Variants in SPIDR observed in about 807,000 individuals in gnomAD.
SPIDR encodes DNA repair-scaffolding protein.
SPIDR carries 93 observed loss-of-function variants against 104.6 expected under a neutral mutation model. The ratio of observed to expected loss-of-function variants is 0.89; its 90% CI spans 0.75 to 1.06. The LOEUF (loss-of-function observed/expected upper bound fraction) is 1.06. SPIDR is among the 50% of genes least tolerant of loss of function. The pLI, the probability that SPIDR is intolerant of heterozygous loss-of-function variation, is 0.00. For synonymous variants in SPIDR, 431 were observed against 416.9 expected, an observed-to-expected ratio of 1.03 and a Z score of -0.41; for missense variants, 1,154 against 1,111.2, an observed-to-expected ratio of 1.04 and a Z score of -0.55.
intron 5 of SPIDR, among the ~76,000 whole-genome samples, chr8:47,394,841 A>G (rs910081482): frequency 2.6e-5 from 4 of 152,136 alleles, no homozygotes; most frequent in Non-Finnish European, 2.9e-5. Context: ...TGTGAGGCAG[A>G]TCTGTGCCCC....
At chr8:47,363,368 G>T (rs2056511797) in intron 5 of SPIDR, among the ~76,000 whole-genome samples, 1 of 151,166 alleles carries the variant, frequency 6.6e-6, no homozygotes, top group Non-Finnish European at 1.5e-5. Context: ...GCTACTCCCG[G>T]CTAATTTTTT....
chr8:47,363,685 T>TA (rs1314222963), intron 5 of SPIDR, among the ~76,000 whole-genome samples: 23 of 151,714 alleles, frequency 1.5e-4, no homozygotes, highest in East Asian at 1.2e-3. Context: ...AATGATATTT[T>TA]AAAAAAAATA....
At chr8:47,457,252 A>G (rs1429671922) in intron 8 of SPIDR, among the ~76,000 whole-genome samples, 1 of 152,174 alleles carries the variant, frequency 6.6e-6, no homozygotes, top group Non-Finnish European at 1.5e-5. Flanking sequence ...TTTTCACCGC[A>G]TCCACATCAA....
At chr8:47,290,927 A>G in intron 3 of SPIDR, 106 bp from the exon 4 acceptor site, 2 of 681,304 alleles carry the variant, frequency 2.9e-6, no homozygotes, top group Middle Eastern at 2.6e-4. Context: ...CCTATCACAG[A>G]GTTTTGTGTA....
At chr8:47,533,856 T>G (rs1407244777) in intron 8 of SPIDR, among the ~76,000 whole-genome samples, 1 of 152,202 alleles carries the variant, frequency 6.6e-6, no homozygotes, top group East Asian at 1.9e-4. Context: ...GAAAGCAGTA[T>G]GGTGATTCCT....
chr8:47,347,093 A>C (rs868933165), intron 5 of SPIDR, among the ~76,000 whole-genome samples: 16 of 152,138 alleles, frequency 1.1e-4, no homozygotes, highest in Non-Finnish European at 2.2e-4. Context: ...TAGAGCTATA[A>C]ATTTCCCTCT....
At chr8:47,592,241 A>G in intron 8 of SPIDR, 1 of 1,305,088 alleles carries the variant, frequency 7.7e-7, no homozygotes, top group Non-Finnish European at 1.1e-6. Context: ...ATCATTTGCT[A>G]ATGGATCGTC....
chr8:47,589,422 T>C (rs1393807822), intron 8 of SPIDR, among the ~76,000 whole-genome samples: 1 of 151,880 alleles, frequency 6.6e-6, no homozygotes, highest in East Asian at 1.9e-4. Context: ...CTCGGGAGGC[T>C]GAGGCAGGAG....
intron 11 of SPIDR, among the ~76,000 whole-genome samples, chr8:47,675,598 G>A (rs926413856): frequency 1.2e-4 from 19 of 152,072 alleles, no homozygotes; most frequent in Non-Finnish European, 2.4e-4. Flanking sequence ...ATCACTTGAG[G>A]CCAGGAGTTT....
At chr8:47,423,672 A>G (rs1157940631) in intron 7 of SPIDR, among the ~76,000 whole-genome samples, 1 of 152,216 alleles carries the variant, frequency 6.6e-6, no homozygotes. Flanking sequence ...GGCCTTGCAG[A>G]GAATGCAGTT....
chr8:47,496,216 C>G (rs367985857), intron 8 of SPIDR, among the ~76,000 whole-genome samples: 1 of 152,056 alleles, frequency 6.6e-6, no homozygotes, highest in African/African-American at 2.4e-5. Flanking sequence ...TGACTGGAAC[C>G]TCTAGTACAA....
At chr8:47,397,076 C>T (rs2061328924) in intron 6 of SPIDR, among the ~76,000 whole-genome samples, 1 of 152,060 alleles carries the variant, frequency 6.6e-6, no homozygotes, top group Non-Finnish European at 1.5e-5. Flanking sequence ...AGGGGCTGGG[C>T]TGTGGCCATG....
chr8:47,487,955 C>T (rs1217536502), intron 8 of SPIDR, among the ~76,000 whole-genome samples: 1 of 152,084 alleles, frequency 6.6e-6, no homozygotes, highest in African/African-American at 2.4e-5. Flanking sequence ...ACTAGATAAG[C>T]AAGAGCGAAC....
At chr8:47,630,810 A>C (rs1203889384) in intron 10 of SPIDR, among the ~76,000 whole-genome samples, 10 of 152,196 alleles carry the variant, frequency 6.6e-5, no homozygotes. Flanking sequence ...ATGCACCTGT[A>C]TGGCTGATCC....
intron 10 of SPIDR, among the ~76,000 whole-genome samples, chr8:47,626,462 C>T (rs1261679450): frequency 5.3e-5 from 8 of 152,062 alleles, no homozygotes; most frequent in South Asian, 2.1e-4. Context: ...ACCTACAGAA[C>T]GGGAGGAAAT....
chr8:47,672,939 T>C (rs1190711996), intron 10 of SPIDR, among the ~76,000 whole-genome samples: 3 of 152,250 alleles, frequency 2.0e-5, no homozygotes, highest in African/African-American at 7.2e-5. Context: ...CTACAGTTCT[T>C]GACCCTTTTG....
chr8:47,501,317 A>C (rs960525959), intron 8 of SPIDR, among the ~76,000 whole-genome samples: 2 of 152,084 alleles, frequency 1.3e-5, no homozygotes, highest in South Asian at 2.1e-4. Flanking sequence ...CTTTTATTTC[A>C]TTGAGCAGTG....
At position 47,690,136 on chromosome 8, in the gene SPIDR, G is replaced by A. The variant is rs567551231; in HGVS notation, c.1686-10267G>A. Among the ~76,000 whole-genome samples the A allele has an allele frequency of 1.6e-4, 24 of 152,186 alleles. No individual in the cohort carries two copies. The South Asian group carries it at 3.5e-3, about 22-fold the overall frequency. The stretch of plus-strand genomic sequence containing the variant: ...GTAGTGTGGGTTTTTCCACCTCCAC[G>A]CTGGTGAGCGAGTGGATCATGTGAG... On this transcript the variant is annotated intron_variant, in intron 11 of 19. Coordinates refer to ENST00000297423, the MANE Select transcript of SPIDR (RefSeq NM_001080394.4).
chr8:47,307,365 T>C (rs1554581998), intron 5 of SPIDR, among the ~76,000 whole-genome samples: 1 of 150,490 alleles, frequency 6.6e-6, no homozygotes, highest in Admixed American at 6.6e-5. Flanking sequence ...ATTACAGGCA[T>C]GTGCCACCAC....
Sources: gnomAD v4.1 joint callset for allele counts (sites outside exome capture counted in the v4.1 genomes callset) on GRCh38, gnomAD v4.1.1 for gene constraint, MANE v1.5 for transcripts, NCBI Gene and HGNC (gene_info 2026-07-23, HGNC 2026-07-21) for gene names.